Variants in KIFC1 observed in about 807,000 individuals in gnomAD.
KIFC1 encodes kinesin family member C1.
A neutral mutation model predicts 66.6 loss-of-function variants in KIFC1; 37 were observed. The ratio of observed to expected loss-of-function variants is 0.56; its 90% CI spans 0.43 to 0.73. KIFC1 has a LOEUF of 0.73. Ranked by LOEUF, KIFC1 falls within the 30% of genes least tolerant of loss-of-function variation. The probability of loss-of-function intolerance (pLI) is 0.00; values close to 1 mark genes in which losing one functional copy is unlikely to be tolerated. For synonymous variants in KIFC1, 325 were observed against 343.5 expected, an observed-to-expected ratio of 0.95 and a Z score of 0.60; for missense variants, 721 against 859.8, an observed-to-expected ratio of 0.84 and a Z score of 2.02.
intron 10 of KIFC1, among the ~76,000 whole-genome samples, chr6:33,408,099 G>GT (rs1485478375): frequency 6.6e-6 from 1 of 152,170 alleles, no homozygotes; most frequent in African/African-American, 2.4e-5. Context: ...TTATACCAAT[G>GT]TAACATCCAA....
At chr6:33,392,785 G>C (rs1285677320) in intron 1 of KIFC1, among the ~76,000 whole-genome samples, 1 of 152,180 alleles carries the variant, frequency 6.6e-6, no homozygotes, top group Non-Finnish European at 1.5e-5. Flanking sequence ...CAACCAGAGA[G>C]CAGAGTAGTA....
chr6:33,391,853 G>A lies in KIFC1; in HGVS notation c.-133G>A. ...TCAAAAGTGGCGGGTGTGGCGCGGGGCTGGTAGCGGCCGGAGCCGTGCGAG... is the reference window on the plus strand; with the variant it reads ...TCAAAAGTGGCGGGTGTGGCGCGGGACTGGTAGCGGCCGGAGCCGTGCGAG... On this transcript the variant is annotated 5_prime_UTR_variant, in exon 1 of 11. Transcript: ENST00000428849. The A allele has an allele frequency of 9.5e-7, 1 of 1,057,332 alleles. No individual in the cohort carries two copies. Among genetic ancestry groups the A allele is most frequent in the Non-Finnish European group, 1.4e-6 (1 of 707,602 alleles). 65.5% of individuals were successfully genotyped at this position (1,057,332 alleles called of 1,614,324 possible).
At chr6:33,402,635 C>T (rs1037815709) in intron 3 of KIFC1, among the ~76,000 whole-genome samples, 4 of 151,534 alleles carry the variant, frequency 2.6e-5, no homozygotes, top group Non-Finnish European at 5.9e-5. Context: ...GAGGCTGAGG[C>T]AGAAGAATTG....
At chr6:33,392,663 C>T (rs771173183) in intron 1 of KIFC1, among the ~76,000 whole-genome samples, 1 of 134,520 alleles carries the variant, frequency 7.4e-6, no homozygotes, top group African/African-American at 2.9e-5. Flanking sequence ...CTGGAGTGTA[C>T]TTATCTCTGG....
rs768404534 is a variant in KIFC1, at chr6:33,403,576, G to C, written c.355+41G>C. On this transcript the variant is annotated intron_variant, in intron 5 of 10. Transcript: ENST00000428849. This position sits in a 1 kb window ranked among gnomAD's most constrained non-coding sequence, Gnocchi z 4.6. The stretch of plus-strand genomic sequence containing the variant: ...AACCACTGGGTGAGAGGCTGGGATA[G>C]GGAAGAGAAGATGGTGAGTGACCAG... The C allele has an allele frequency of 1.9e-6, 3 of 1,606,440 alleles. No homozygotes were observed. The Admixed American group carries it at 5.0e-5, about 27-fold the overall frequency.
chr6:33,399,091 G>A (rs1221361700), intron 3 of KIFC1, among the ~76,000 whole-genome samples: 2 of 152,166 alleles, frequency 1.3e-5, no homozygotes, highest in Non-Finnish European at 2.9e-5. Flanking sequence ...ACCATCGGTT[G>A]AAAATATTCA....
In KIFC1 at chr6:33,398,369, A is replaced by T; in HGVS notation, c.232A>T (p.Thr78Ser). The T allele has an allele frequency of 1.2e-6, 2 of 1,613,900 alleles. No homozygotes were observed. The highest frequency in any genetic ancestry group is 1.7e-6 in the Non-Finnish European group (2 of 1,179,782). ...RVPSLTTVPQ[T>S]QGQTTAQKVS... ...TCCATCCCTCACTACAGTGCCACAG[A>T]CACAAGGCCAGACCACAGGTGGGCT... Residue 78 changes from threonine (T) to serine (S), a missense_variant, in exon 3 of 11, where the codon ACA becomes TCA. Physicochemically the swap from Thr to Ser is moderately conservative, Grantham distance 58. Transcript: ENST00000428849.
chr6:33,403,395 G>C lies in KIFC1; in HGVS notation c.304+28G>C. ...AACTGTGCTCAAGAGCTGGGTCTGA[G>C]AAGGGATTTGGGGTATGTGTAAAGG... On this transcript the variant is annotated intron_variant, in intron 4 of 10. Coordinates refer to ENST00000428849, the MANE Select transcript of KIFC1 (RefSeq NM_002263.4). The surrounding 1 kb of genome is among the most constrained non-coding windows in gnomAD (Gnocchi z 4.6). 1 of 1,613,454 alleles carries C rather than the reference G, an allele frequency of 6.2e-7. No homozygotes were observed. The highest frequency in any genetic ancestry group is 8.5e-7 in the Non-Finnish European group (1 of 1,179,334).
Position 33,406,374 on chromosome 6 carries a change from T to A in KIFC1, c.1715T>A (p.Leu572His). The change falls in exon 8 of 11, where the codon CTT becomes CAT. Residue 572 changes from leucine to histidine, a missense_variant. Leu to His is a moderately conservative substitution (Grantham distance 99, BLOSUM62 -3). Transcript: ENST00000428849. The surrounding 1 kb of genome is among the most constrained non-coding windows in gnomAD (Gnocchi z 4.5). ...GTGGACCTGGCCGGGAGTGAGCGAC[T>A]TGACCCCGGCTTAGCCCTCGGCCCC... ...SLVDLAGSER[L>H]DPGLALGPGE... is the part of the protein sequence containing the mutation. 6.2e-7 allele frequency: 1 copy of A among 1,613,794 alleles called. No individual in the cohort carries two copies. Among genetic ancestry groups the A allele is most frequent in the Non-Finnish European group, 8.5e-7 (1 of 1,179,710 alleles).
At chr6:33,394,232 G>T (rs1304477160) in intron 1 of KIFC1, among the ~76,000 whole-genome samples, 4 of 152,184 alleles carry the variant, frequency 2.6e-5, no homozygotes, top group Non-Finnish European at 5.9e-5. Flanking sequence ...CCAGATGATG[G>T]TGTCTTAGGT....
chr6:33,406,630 C>T lies in KIFC1; in HGVS notation c.1866C>T (p.Tyr622=). 1 of 1,614,124 alleles carries T rather than the reference C, an allele frequency of 6.2e-7. No individual in the cohort carries two copies. Among genetic ancestry groups the T allele is most frequent in the Non-Finnish European group, 8.5e-7 (1 of 1,180,032 alleles). ...HVPYRNSKLT[Y]LLQNSLGGSA... is the part of the protein sequence containing the mutation. ...CTTACCGGAACAGCAAACTGACCTA[C>T]CTGCTGCAGAACTCTCTGGGTGGTA... The change falls in exon 9 of 11, where the codon TAC becomes TAT. Residue 622 remains tyrosine, a synonymous_variant. Transcript: ENST00000428849. The surrounding 1 kb of genome is among the most constrained non-coding windows in gnomAD (Gnocchi z 4.5).
chr6:33,406,574 C>T lies in KIFC1; in HGVS notation c.1828-18C>T. The T allele has an allele frequency of 6.2e-7, 1 of 1,613,946 alleles. No homozygotes were observed. The highest frequency in any genetic ancestry group is 8.5e-7 in the Non-Finnish European group (1 of 1,179,908). ...CCCTGCCTATTCCTAAACATCTGTCCCCACCTCAATCATCTAGGAGTCCCA... is the reference window on the plus strand; with the variant it reads ...CCCTGCCTATTCCTAAACATCTGTCTCCACCTCAATCATCTAGGAGTCCCA... On this transcript the variant is annotated intron_variant, in intron 8 of 10. Transcript: ENST00000428849. The surrounding 1 kb of genome is among the most constrained non-coding windows in gnomAD (Gnocchi z 4.5).
chr6:33,402,742 A>C (rs1156976437), intron 3 of KIFC1, among the ~76,000 whole-genome samples: 1 of 149,478 alleles, frequency 6.7e-6, no homozygotes, highest in Non-Finnish European at 1.5e-5. Flanking sequence ...AAAAAAAAAC[A>C]AAATGGAGGC....
rs1341663337 is a variant in KIFC1, at chr6:33,406,553, G to A, written c.1828-39G>A. 1 of 1,613,552 alleles carries A rather than the reference G, an allele frequency of 6.2e-7. No homozygotes were observed. ...GTTGGGGTTGGCTGTGCAGAACCCTGCCTATTCCTAAACATCTGTCCCCAC... is the reference window on the plus strand; with the variant it reads ...GTTGGGGTTGGCTGTGCAGAACCCTACCTATTCCTAAACATCTGTCCCCAC... On this transcript the variant is annotated intron_variant, in intron 8 of 10. Transcript: ENST00000428849. This position sits in a 1 kb window ranked among gnomAD's most constrained non-coding sequence, Gnocchi z 4.5.
chr6:33,393,731 C>T (rs1292034501), intron 1 of KIFC1, among the ~76,000 whole-genome samples: 1 of 150,716 alleles, frequency 6.6e-6, no homozygotes, highest in Admixed American at 6.6e-5. Context: ...CAGGCATGAG[C>T]CACCGTGCCC....
intron 1 of KIFC1, among the ~76,000 whole-genome samples, chr6:33,395,736 A>G (rs1300350940): frequency 6.6e-6 from 1 of 152,038 alleles, no homozygotes; most frequent in Non-Finnish European, 1.5e-5. Flanking sequence ...TGTAGAGAGG[A>G]GGAAGGGCAC....
chr6:33,397,315 T>TTTTG, intron 1 of KIFC1, among the ~76,000 whole-genome samples: 1 of 118,308 alleles, frequency 8.5e-6, no homozygotes, highest in African/African-American at 2.9e-5. Flanking sequence ...TTTTTTTTTT[T>TTTTG]GAGACGGAGT....
rs1342259379 is a variant in KIFC1 at position 33,406,730 on chromosome 6, G to A, written c.1901+65G>A. ...TGTGTTGGGGTGAGGGGTAGAAAGG[G>A]GAACAGTGGAGACCTGTCCAGGCTC... On this transcript the variant is annotated intron_variant, in intron 9 of 10. Coordinates refer to ENST00000428849, the MANE Select transcript of KIFC1 (RefSeq NM_002263.4). The surrounding 1 kb of genome is among the most constrained non-coding windows in gnomAD (Gnocchi z 4.5). 9 of 1,611,156 alleles carry A rather than the reference G, an allele frequency of 5.6e-6. No homozygotes were observed. The highest frequency in any genetic ancestry group is 6.8e-6 in the Non-Finnish European group (8 of 1,177,402).
rs924232475 is a variant in KIFC1, at chr6:33,404,456, C to T, written c.756+327C>T. 6.6e-6 allele frequency among the ~76,000 whole-genome samples: 1 copy of T among 152,184 alleles called. No individual in the cohort carries two copies. The highest frequency in any genetic ancestry group is 1.5e-5 in the Non-Finnish European group (1 of 68,034). ...CTGTGGTACTCTCTTTCCCTCCTCC[C>T]ATGTCCACTTGACTCCTTCCTGGTG... On this transcript the variant is annotated intron_variant, in intron 6 of 10. Coordinates refer to ENST00000428849, the MANE Select transcript of KIFC1 (RefSeq NM_002263.4). The surrounding 1 kb of genome is among the most constrained non-coding windows in gnomAD (Gnocchi z 4.0).
Sources: gnomAD v4.1 joint callset for allele counts (sites outside exome capture counted in the v4.1 genomes callset) on GRCh38, gnomAD v4.1.1 for gene constraint, Gnocchi (gnomAD v3.1) non-coding constraint, MANE v1.5 for transcripts, NCBI Gene and HGNC (gene_info 2026-07-23, HGNC 2026-07-21) for gene names.